GGH: variants seen among roughly 807,000 people sequenced by gnomAD.
GGH encodes the protein gamma-Glu-X carboxypeptidase.
A neutral mutation model predicts 39.2 loss-of-function variants in GGH; 18 were observed. The ratio of observed to expected loss-of-function variants is 0.46; its 90% CI spans 0.32 to 0.68. The LOEUF (loss-of-function observed/expected upper bound fraction) is 0.68, where lower values mean the gene tolerates loss of function less well. Ranked by LOEUF, GGH falls within the 30% of genes least tolerant of loss-of-function variation. The pLI is 0.04. For missense variants in GGH, 367 were observed against 384.1 expected, an observed-to-expected ratio of 0.96 and a Z score of 0.37; for synonymous variants, 147 against 138.8, an observed-to-expected ratio of 1.06 and a Z score of -0.42.
rs1804468701 is a variant in GGH, at chr8:63,015,460, G to A, written c.836-7C>T. The A allele has an allele frequency of 6.6e-7, 1 of 1,515,122 alleles. No individual in the cohort carries two copies. The highest frequency in any genetic ancestry group is 9.0e-7 in the Non-Finnish European group (1 of 1,114,184). The allele number at this position is 1,515,122 out of a possible 1,614,324, so 93.9% of individuals were successfully genotyped here. ...TGATGGTTGTTTTTCCGAGCTGCAA[G>A]AAAAAAAGTTAATTTTTAAAAAGAT... On this transcript the variant is annotated splice_region_variant and splice_polypyrimidine_tract_variant and intron_variant, in intron 8 of 8. Coordinates refer to ENST00000260118, the MANE Select transcript of GGH (RefSeq NM_003878.3).
chr8:63,027,595 AT>A (rs1201651479), intron 3 of GGH, among the ~76,000 whole-genome samples: 21 of 152,284 alleles, frequency 1.4e-4, no homozygotes, highest in Non-Finnish European at 2.2e-4. Flanking sequence ...GACAGACAAA[AT>A]TCCAGGTATA....
chr8:63,017,540 T>C lies in GGH; in HGVS notation c.788A>G (p.Asn263Ser), dbSNP rs139744845. ...KNLDGISHAP[N>S]AVKTAFYLAE... Reference sequence around the variant, plus strand: ...TAAATAAAATGCGGTTTTCACAGCATTAGGTGCATGGGAAATGCCATCCAA... The same window carrying C: ...TAAATAAAATGCGGTTTTCACAGCACTAGGTGCATGGGAAATGCCATCCAA... Residue 263 changes from asparagine (N) to serine (S), a missense_variant, in exon 8 of 9, where the codon AAT (asparagine) becomes AGT (serine). Coordinates refer to ENST00000260118, the MANE Select transcript of GGH (RefSeq NM_003878.3). 4 of 1,611,668 alleles carry C rather than the reference T, an allele frequency of 2.5e-6. No homozygotes were observed. Among genetic ancestry groups the C allele is most frequent in the African/African-American group, 2.7e-5 (2 of 74,882 alleles).
chr8:63,033,437 G>A (rs1804841855), intron 2 of GGH, among the ~76,000 whole-genome samples: 1 of 152,114 alleles, frequency 6.6e-6, no homozygotes, highest in Admixed American at 6.5e-5. Flanking sequence ...ACCAGTGACA[G>A]GTTTGTTACC....
Position 63,030,202 on chromosome 8 carries a change from C to T in GGH, c.240G>A (p.Glu80=). Residue 80 remains glutamate (E), a synonymous_variant, in exon 3 of 9, where the codon GAG becomes GAA. Coordinates refer to ENST00000260118, the MANE Select transcript of GGH (RefSeq NM_003878.3). ...ATTTGAAAAGTATTTCATAGTCTTT[C>T]TCTGTAAGATCCAGCCTGAAAACAA... ...RVVPVRLDLT[E]KDYEILFKSI... is the part of the protein sequence containing the mutation. The T allele has an allele frequency of 1.4e-6, 2 of 1,432,926 alleles. No individual in the cohort carries two copies. The highest frequency in any genetic ancestry group is 2.0e-6 in the Non-Finnish European group (2 of 1,015,908). 88.8% of individuals were successfully genotyped at this position (1,432,926 alleles called of 1,614,324 possible).
intron 2 of GGH, among the ~76,000 whole-genome samples, chr8:63,033,430 A>T (rs1323474477): frequency 2.0e-5 from 3 of 152,184 alleles, no homozygotes. Flanking sequence ...TCTCTCCACC[A>T]GTGACAGGTT....
intron 2 of GGH, among the ~76,000 whole-genome samples, chr8:63,032,223 T>A (rs1296497007): frequency 6.6e-6 from 1 of 151,996 alleles, no homozygotes; most frequent in African/African-American, 2.4e-5. Context: ...TTTTTATAGA[T>A]AGGGGTTTTT....
chr8:63,027,119 A>C lies in GGH; in HGVS notation c.360+62T>G. The C allele has an allele frequency of 7.3e-6, 6 of 818,910 alleles. No individual in the cohort carries two copies. The South Asian group carries it at 8.0e-5, about 11-fold the overall frequency. The allele number at this position is 818,910 out of a possible 1,614,324, so 50.7% of individuals were successfully genotyped here. ...AGCATTACCATCTGCTTAAAAAATGAACCACTCGCACAAAAACTTACAGAA... is the reference window on the plus strand; with the variant it reads ...AGCATTACCATCTGCTTAAAAAATGCACCACTCGCACAAAAACTTACAGAA... On this transcript the variant is annotated intron_variant, in intron 4 of 8. Coordinates refer to ENST00000260118, the MANE Select transcript of GGH (RefSeq NM_003878.3).
At chr8:63,020,987 G>A (rs1006416354) in intron 7 of GGH, among the ~76,000 whole-genome samples, 1 of 152,098 alleles carries the variant, frequency 6.6e-6, no homozygotes, top group African/African-American at 2.4e-5. Flanking sequence ...TTGGGAGGAC[G>A]AAACATGATT....
In GGH at chr8:63,027,231, G is replaced by A. The variant is rs528348849; in HGVS notation, c.310C>T (p.Arg104Cys). 40 of 1,596,124 alleles carry A rather than the reference G, an allele frequency of 2.5e-5. No homozygotes were observed. Among genetic ancestry groups the A allele is most frequent in the East Asian group, 2.0e-4 (9 of 44,778 alleles). Residue 104 changes from arginine (R) to cysteine (C), a missense_variant, in exon 4 of 9, where the codon CGC becomes TGC. Physicochemically the swap from Arg to Cys is radical, Grantham distance 180 (BLOSUM62 -3). Transcript: ENST00000260118. The stretch of plus-strand genomic sequence containing the variant: ...TTGGCCACTTTAGCATAATCTGAGC[G>A]TCTGAGGTCAACACTTCCTCCAGGG... ...LFPGGSVDLR[R>C]SDYAKVAKIF...
rs1316897007 is a variant in GGH, at chr8:63,017,587, T to A, written c.741A>T (p.Lys247Asn). 6.2e-7 allele frequency: 1 copy of A among 1,605,342 alleles called. No homozygotes were observed. The highest frequency in any genetic ancestry group is 1.1e-5 in the South Asian group (1 of 90,852). ...CCAAATTCTTCCACTCATAAGGTGC[T>A]TTCTCTGGATGCCACTGGACACCAT... ...PVYGVQWHPEKAPYEWKNLDG... is the reference protein window; with the variant it reads ...PVYGVQWHPENAPYEWKNLDG... Residue 247 changes from lysine to asparagine, a missense_variant, in exon 8 of 9, where the codon AAA becomes AAT. By Grantham distance (94) the Lys-to-Asn change is moderately conservative. Coordinates refer to ENST00000260118, the MANE Select transcript of GGH (RefSeq NM_003878.3).
chr8:63,016,632 A>G lies in GGH; in HGVS notation c.835+861T>C, dbSNP rs1804492166. Among the ~76,000 whole-genome samples the G allele has an allele frequency of 1.3e-5, 2 of 152,252 alleles. 1 individual carries two copies. The highest frequency in any genetic ancestry group is 4.1e-4 in the South Asian group (2 of 4,836). ...AAGCACAACGATGTATAACAAAACC[A>G]ATTTTTTTCTAACAATGTTATAATG... On this transcript the variant is annotated intron_variant, in intron 8 of 8. Transcript: ENST00000260118.
intron 2 of GGH, among the ~76,000 whole-genome samples, chr8:63,033,923 C>T (rs1435596590): frequency 4.6e-5 from 7 of 150,666 alleles, no homozygotes; most frequent in Non-Finnish European, 8.9e-5. Flanking sequence ...GCTGCATTCA[C>T]ATTGCAGCAA....
intron 2 of GGH, among the ~76,000 whole-genome samples, chr8:63,034,740 T>C (rs1372807535): frequency 2.0e-5 from 3 of 152,206 alleles, no homozygotes; most frequent in African/African-American, 4.8e-5. Context: ...GCAACCCTAA[T>C]GCACTGGTAA....
chr8:63,017,887 A>C, intron 7 of GGH: 1 of 334,850 alleles, frequency 3.0e-6, no homozygotes, highest in Non-Finnish European at 5.4e-6. Flanking sequence ...GCAAAGTAGA[A>C]GCTGAGCTGA....
rs765922991 is a variant in GGH at position 63,038,698 on chromosome 8, G to A, written c.71C>T (p.Ser24Phe). ...LLCGAASLEL[S>F]RPHGDTAKKP... is the part of the protein sequence containing the mutation. ...CTTGGCGGTGTCGCCGTGGGGTCTA[G>A]ACAGCTCGAGGCTCGCCGCCCCGCA... The change falls in exon 1 of 9, where the codon TCT (serine) becomes TTT (phenylalanine). Residue 24 changes from serine to phenylalanine, a missense_variant. Physicochemically the swap from Ser to Phe is radical, Grantham distance 155. Coordinates refer to ENST00000260118, the MANE Select transcript of GGH (RefSeq NM_003878.3). 5.1e-6 allele frequency: 8 copies of A among 1,583,266 alleles called. No homozygotes were observed. The African/African-American group carries it at 1.1e-4, about 22-fold the overall frequency.
At chr8:63,032,437 T>C (rs1216406931) in intron 2 of GGH, among the ~76,000 whole-genome samples, 1 of 152,184 alleles carries the variant, frequency 6.6e-6, no homozygotes, top group East Asian at 1.9e-4. Flanking sequence ...CAGGACATTC[T>C]CTTTTCCACT....
intron 8 of GGH, among the ~76,000 whole-genome samples, chr8:63,016,218 CAT>C (rs1358208013): frequency 6.6e-6 from 1 of 152,204 alleles, no homozygotes; most frequent in Admixed American, 6.5e-5. Flanking sequence ...CCAAATGCCA[CAT>C]GACTACTACT....
chr8:63,031,856 T>G (rs1207608515), intron 2 of GGH, among the ~76,000 whole-genome samples: 1 of 152,188 alleles, frequency 6.6e-6, no homozygotes, highest in African/African-American at 2.4e-5. Context: ...ACTCTCTCCT[T>G]AACTGTAACG....
chr8:63,031,354 A>G (rs1804798839), intron 2 of GGH, among the ~76,000 whole-genome samples: 1 of 152,206 alleles, frequency 6.6e-6, no homozygotes, highest in Non-Finnish European at 1.5e-5. Context: ...GGTGCTTACC[A>G]TTCTTAAGTG....
Sources: gnomAD v4.1 joint callset for allele counts (sites outside exome capture counted in the v4.1 genomes callset) on GRCh38, gnomAD v4.1.1 for gene constraint, MANE v1.5 for transcripts, NCBI Gene and HGNC (gene_info 2026-07-23, HGNC 2026-07-21) for gene names.